Variants in TBC1D12 observed in about 807,000 individuals in gnomAD.
TBC1D12 encodes the protein TBC1 domain family, member 12.
In TBC1D12, 56 loss-of-function variants were observed where a neutral mutation model predicts 86.7. The observed-to-expected ratio is 0.65, with a 90% CI of 0.52 to 0.81. The LOEUF is 0.81. Among genes scored for constraint, TBC1D12 ranks in the 30% least tolerant of loss-of-function variants. The probability of loss-of-function intolerance (pLI) is 0.00; values close to 1 mark genes in which losing one functional copy is unlikely to be tolerated. For missense variants in TBC1D12, 1,023 were observed against 1,038.8 expected (o/e 0.98, Z 0.21); for synonymous variants, 421 against 411.7 (o/e 1.02, Z -0.27).
intron 4 of TBC1D12, among the ~76,000 whole-genome samples, chr10:94,495,489 T>A (rs1233879214): frequency 6.6e-6 from 1 of 152,200 alleles, no homozygotes; most frequent in Non-Finnish European, 1.5e-5. Context: ...TTTTTATTAA[T>A]TTTAAAATTT....
intron 3 of TBC1D12, among the ~76,000 whole-genome samples, chr10:94,482,871 C>CT (rs2056098110): frequency 6.6e-6 from 1 of 152,026 alleles, no homozygotes; most frequent in African/African-American, 2.4e-5. Flanking sequence ...AATTGTTTTA[C>CT]TTTTTAGCTC....
intron 2 of TBC1D12, among the ~76,000 whole-genome samples, chr10:94,455,958 A>T (rs1246357099): frequency 6.6e-6 from 1 of 152,086 alleles, no homozygotes; most frequent in Non-Finnish European, 1.5e-5. Flanking sequence ...AAAAGAAAAA[A>T]AAAAAGAATT....
intron 12 of TBC1D12, among the ~76,000 whole-genome samples, chr10:94,531,679 TTTATTTTATGTTATTTTATG>T (rs1564996553): frequency 1.7e-4 from 23 of 133,018 alleles, no homozygotes; most frequent in East Asian, 6.4e-4. Flanking sequence ...TTTATTTTAT[TTTATTTTATGTTATTTTATG>T]TTATGTTATT....
In TBC1D12 at chr10:94,478,462, A is replaced by G. The variant is rs532131431; in HGVS notation, c.1211+3679A>G. Among the ~76,000 whole-genome samples, 20 of 152,218 alleles carry G rather than the reference A, an allele frequency of 1.3e-4. 1 individual carries two copies. In the South Asian group the frequency reaches 3.7e-3, roughly 28 times the overall value. ...GGTGGCTCAGTCCTGTAATCCCAGC[A>G]CTTTGGGAGGCAGAGGCAGGGGCAG... is the stretch of plus-strand genomic sequence containing the variant. On this transcript the variant is annotated intron_variant, in intron 3 of 12. Coordinates refer to ENST00000225235, the MANE Select transcript of TBC1D12 (RefSeq NM_015188.2).
chr10:94,468,789 A>G (rs2055860417), intron 2 of TBC1D12, among the ~76,000 whole-genome samples: 1 of 152,186 alleles, frequency 6.6e-6, no homozygotes, highest in Admixed American at 6.5e-5. Flanking sequence ...CCAATTACAC[A>G]TAATTTAGGC....
intron 1 of TBC1D12, among the ~76,000 whole-genome samples, chr10:94,405,757 T>C (rs1372510579): frequency 6.6e-6 from 1 of 152,164 alleles, no homozygotes; most frequent in Non-Finnish European, 1.5e-5. Flanking sequence ...GGGTGCAGGC[T>C]AATGGGGATT....
chr10:94,478,930 T>C (rs2134153245), intron 3 of TBC1D12, among the ~76,000 whole-genome samples: 1 of 152,132 alleles, frequency 6.6e-6, no homozygotes, highest in Admixed American at 6.6e-5. Context: ...CACTCCAGTC[T>C]GGTGACAAAG....
chr10:94,515,866 A>G (rs537078420), intron 9 of TBC1D12, among the ~76,000 whole-genome samples: 1 of 152,324 alleles, frequency 6.6e-6, no homozygotes, highest in East Asian at 1.9e-4. Context: ...CAATACCACA[A>G]CAGTTGATCT....
chr10:94,424,463 C>T (rs1889486), intron 1 of TBC1D12, among the ~76,000 whole-genome samples: 63,799 of 151,962 alleles, frequency 0.42, 13,848 homozygotes, highest in East Asian at 0.76. Flanking sequence ...AAATTCTCCC[C>T]TCGTTCATTC....
At chr10:94,528,658 C>T (rs532254273) in intron 11 of TBC1D12, among the ~76,000 whole-genome samples, 1 of 152,058 alleles carries the variant, frequency 6.6e-6, no homozygotes, top group South Asian at 2.1e-4. Context: ...CTTGTCTCTA[C>T]TAAAAATACA....
chr10:94,458,561 C>T (rs371720512), intron 2 of TBC1D12, among the ~76,000 whole-genome samples: 6 of 152,210 alleles, frequency 3.9e-5, no homozygotes, highest in African/African-American at 1.2e-4. Flanking sequence ...TTCTTGGTCT[C>T]GCTGAGTTCA....
At chr10:94,523,149 C>T (rs1298125598) in intron 11 of TBC1D12, among the ~76,000 whole-genome samples, 2 of 137,624 alleles carry the variant, frequency 1.5e-5, no homozygotes, top group Non-Finnish European at 3.1e-5. Flanking sequence ...ACCGAGATCA[C>T]ACCCCAGCAC....
At chr10:94,415,601 G>A (rs2054989083) in intron 1 of TBC1D12, among the ~76,000 whole-genome samples, 1 of 152,140 alleles carries the variant, frequency 6.6e-6, no homozygotes, top group African/African-American at 2.4e-5. Flanking sequence ...GGGCATGGTG[G>A]CGGGTGCCTG....
At chr10:94,505,056 A>G (rs1037798141) in intron 6 of TBC1D12, among the ~76,000 whole-genome samples, 2 of 152,170 alleles carry the variant, frequency 1.3e-5, no homozygotes, top group African/African-American at 4.8e-5. Context: ...TTTTATTATT[A>G]GATCAATTTT....
At chr10:94,487,241 T>TA (rs1326691795) in intron 3 of TBC1D12, among the ~76,000 whole-genome samples, 2 of 126,488 alleles carry the variant, frequency 1.6e-5, no homozygotes, top group African/African-American at 2.8e-5. Flanking sequence ...TATCATTGGG[T>TA]CTTTTTTTTT....
At chr10:94,528,456 T>C (rs1842350121) in intron 11 of TBC1D12, among the ~76,000 whole-genome samples, 1 of 152,230 alleles carries the variant, frequency 6.6e-6, no homozygotes, top group Non-Finnish European at 1.5e-5. Context: ...TTTGAAGCAA[T>C]ACCCAGTAGA....
At chr10:94,530,094 T>C (rs867041711) in intron 11 of TBC1D12, among the ~76,000 whole-genome samples, 1 of 152,198 alleles carries the variant, frequency 6.6e-6, no homozygotes, top group African/African-American at 2.4e-5. Context: ...AAAATTATTT[T>C]GGCGAGGAAG....
chr10:94,455,141 A>G (rs2055609273), intron 2 of TBC1D12, among the ~76,000 whole-genome samples: 1 of 151,820 alleles, frequency 6.6e-6, no homozygotes, highest in Admixed American at 6.6e-5. Context: ...GTTTTATCAT[A>G]TGATTTTTGT....
chr10:94,434,021 C>A (rs1195242863), intron 1 of TBC1D12, among the ~76,000 whole-genome samples: 1 of 151,802 alleles, frequency 6.6e-6, no homozygotes, highest in African/African-American at 2.4e-5. Context: ...GGTTTCTGAC[C>A]CAGTAACTAC....
Sources: gnomAD v4.1 joint callset for allele counts (sites outside exome capture counted in the v4.1 genomes callset) on GRCh38, gnomAD v4.1.1 for gene constraint, MANE v1.5 for transcripts, NCBI Gene and HGNC (gene_info 2026-07-23, HGNC 2026-07-21) for gene names.